DOCK3: variants seen among roughly 807,000 people sequenced by gnomAD.
DOCK3 encodes the protein dedicator of cytokinesis 3, also known as dedicator of cytokinesis protein 3.
In DOCK3, 60 loss-of-function variants were observed where a neutral mutation model predicts 265.6. That is an observed-to-expected ratio of 0.23 (90% CI 0.18 to 0.28). The LOEUF is 0.28. Among genes scored for constraint, DOCK3 ranks in the 10% least tolerant of loss-of-function variants. The pLI is 1.00. For missense variants in DOCK3, 1,981 were observed against 2,594.3 expected, an observed-to-expected ratio of 0.76 and a Z score of 5.14; for synonymous variants, 881 against 938.0, an observed-to-expected ratio of 0.94 and a Z score of 1.11.
intron 3 of DOCK3, among the ~76,000 whole-genome samples, chr3:50,847,778 G>A (rs2046154562): frequency 6.6e-6 from 1 of 151,258 alleles, no homozygotes; most frequent in South Asian, 2.1e-4. Flanking sequence ...CAATTACTCA[G>A]GAGGCTGAGG....
chr3:51,322,346 G>A (rs180811674), intron 32 of DOCK3, among the ~76,000 whole-genome samples: 3 of 152,176 alleles, frequency 2.0e-5, no homozygotes, highest in Admixed American at 1.3e-4. Context: ...GGGACTACAG[G>A]TGCCTGCCAC....
rs578106193 is a variant in DOCK3 at position 50,922,492 on chromosome 3, C to T, written c.219-11489C>T. ...GCCAGGAAAGGGAATTCCCCGACCCCTTGCGCTTCCCACGTGGGGCAATGC... is the reference window on the plus strand; with the variant it reads ...GCCAGGAAAGGGAATTCCCCGACCCTTTGCGCTTCCCACGTGGGGCAATGC... On this transcript the variant is annotated intron_variant, in intron 4 of 52. Transcript: ENST00000266037. Among the ~76,000 whole-genome samples, 12 of 152,354 alleles carry T rather than the reference C, an allele frequency of 7.9e-5. No individual in the cohort carries two copies. In the East Asian group the frequency reaches 2.3e-3, roughly 29 times the overall value.
chr3:51,016,626 TA>T (rs2079282223), intron 5 of DOCK3, among the ~76,000 whole-genome samples: 2 of 41,610 alleles, frequency 4.8e-5, no homozygotes, highest in Non-Finnish European at 8.0e-5. Context: ...TTTATATATA[TA>T]ATATATATGA....
chr3:50,936,284 A>G lies in DOCK3; in HGVS notation c.315+2207A>G, dbSNP rs569414613. Among the ~76,000 whole-genome samples, 15 of 151,994 alleles carry G rather than the reference A, an allele frequency of 9.9e-5. No homozygotes were observed. The East Asian group carries it at 2.9e-3, about 29-fold the overall frequency. ...AATGGAGAGAAAAATAGAAAAAATG[A>G]GCTCTGCTTCCAGAGACCTGTGGAA... On this transcript the variant is annotated intron_variant, in intron 5 of 52. Coordinates refer to ENST00000266037, the MANE Select transcript of DOCK3 (RefSeq NM_004947.5).
At chr3:51,156,806 A>G (rs948241198) in intron 10 of DOCK3, among the ~76,000 whole-genome samples, 4 of 152,192 alleles carry the variant, frequency 2.6e-5, no homozygotes, top group South Asian at 4.1e-4. Context: ...CTTGAATTCC[A>G]TAGGTACATT....
chr3:51,113,422 G>T (rs769329875), intron 9 of DOCK3, among the ~76,000 whole-genome samples: 11 of 152,058 alleles, frequency 7.2e-5, no homozygotes, highest in Non-Finnish European at 1.5e-4. Context: ...ACCTCTAGAA[G>T]ACCCCAGTAA....
chr3:51,262,397 A>G (rs1697152759), intron 23 of DOCK3, among the ~76,000 whole-genome samples: 1 of 152,234 alleles, frequency 6.6e-6, no homozygotes, highest in African/African-American at 2.4e-5. Flanking sequence ...ATCCACACAG[A>G]AACCCTATCC....
intron 13 of DOCK3, among the ~76,000 whole-genome samples, chr3:51,213,888 C>T (rs546567825): frequency 1.6e-4 from 25 of 152,286 alleles, no homozygotes; most frequent in African/African-American, 6.0e-4. Flanking sequence ...TCTCCCAGAC[C>T]TCAGTCTATG....
At chr3:50,932,952 C>T (rs565458741) in intron 4 of DOCK3, among the ~76,000 whole-genome samples, 12 of 152,302 alleles carry the variant, frequency 7.9e-5, no homozygotes, top group South Asian at 2.1e-4. Flanking sequence ...CACAGTTCCA[C>T]GTGGCTAGGG....
intron 21 of DOCK3, among the ~76,000 whole-genome samples, chr3:51,244,463 C>A (rs2078738969): frequency 6.6e-6 from 1 of 151,956 alleles, no homozygotes; most frequent in African/African-American, 2.4e-5. Context: ...ATGGAATTGT[C>A]TTAATTTCAT....
In DOCK3 at chr3:50,901,714, G is replaced by T. The variant is rs1482277400; in HGVS notation, c.218+11633G>T. The T allele has an allele frequency of 8.8e-6, 4 of 453,502 alleles. No individual in the cohort carries two copies. In the East Asian group the frequency reaches 2.8e-4, roughly 32 times the overall value. The allele number at this position is 453,502 out of a possible 1,614,324, so 28.1% of individuals were successfully genotyped here. Reference sequence around the variant, plus strand: ...GCACAGTCCCTCATGGCTACCCTTGGCTAGGGGAGGGAATTCCCTGACCCT... The same window carrying T: ...GCACAGTCCCTCATGGCTACCCTTGTCTAGGGGAGGGAATTCCCTGACCCT... On this transcript the variant is annotated intron_variant, in intron 4 of 52. Coordinates refer to ENST00000266037, the MANE Select transcript of DOCK3 (RefSeq NM_004947.5).
At chr3:50,819,582 C>G (rs1337411567) in intron 2 of DOCK3, among the ~76,000 whole-genome samples, 1 of 152,178 alleles carries the variant, frequency 6.6e-6, no homozygotes, top group East Asian at 1.9e-4. Context: ...AAAGCGACCT[C>G]TAGTTGTCCT....
chr3:51,027,242 T>C (rs1175216597), intron 5 of DOCK3, among the ~76,000 whole-genome samples: 1 of 152,164 alleles, frequency 6.6e-6, no homozygotes, highest in Non-Finnish European at 1.5e-5. Context: ...TTAGTTCCCA[T>C]GTATTTGTGT....
At position 51,246,752 on chromosome 3, in the gene DOCK3, A is replaced by C; in HGVS notation, c.2129A>C (p.Tyr710Ser). 1 of 1,613,586 alleles carries C rather than the reference A, an allele frequency of 6.2e-7. No homozygotes were observed. The highest frequency in any genetic ancestry group is 8.5e-7 in the Non-Finnish European group (1 of 1,179,730). The change falls in exon 22 of 53, where the codon TAT (tyrosine) becomes TCT (serine). Residue 710 changes from tyrosine (Y) to serine (S), a missense_variant. Around this residue, in one of 4 missense-constraint regions of DOCK3, gnomAD observed 1,357 missense variants for 1,866.8 expected, o/e 0.73. Transcript: ENST00000266037. Reference protein sequence around the residue: ...YKELIRCLKWYMDCSAELIRQ... With the variant: ...YKELIRCLKWSMDCSAELIRQ... ...GAGCTCATCCGCTGTTTGAAGTGGT[A>C]TATGGACTGCTCAGCAGAACTGATT...
chr3:50,833,850 A>G (rs888889415), intron 2 of DOCK3, among the ~76,000 whole-genome samples: 9 of 152,218 alleles, frequency 5.9e-5, no homozygotes, highest in Admixed American at 1.3e-4. Flanking sequence ...CCATAAATTA[A>G]GAATACTCAA....
At chr3:51,344,907 G>A (rs2085463198) in intron 38 of DOCK3, among the ~76,000 whole-genome samples, 1 of 152,206 alleles carries the variant, frequency 6.6e-6, no homozygotes, top group Admixed American at 6.5e-5. Context: ...GGAGAGGGGT[G>A]CCTTGGAGCA....
chr3:51,191,074 G>A (rs2087912566), intron 12 of DOCK3, among the ~76,000 whole-genome samples: 1 of 152,108 alleles, frequency 6.6e-6, no homozygotes, highest in Non-Finnish European at 1.5e-5. Flanking sequence ...TCCATTAGTA[G>A]CAGCTAGCTA....
At chr3:51,106,002 C>T (rs2083264844) in intron 9 of DOCK3, among the ~76,000 whole-genome samples, 1 of 152,206 alleles carries the variant, frequency 6.6e-6, no homozygotes, top group Non-Finnish European at 1.5e-5. Flanking sequence ...GGGAAAGCTG[C>T]TTAGAGAAGT....
intron 21 of DOCK3, among the ~76,000 whole-genome samples, chr3:51,240,634 T>C (rs2078570663): frequency 6.6e-6 from 1 of 152,244 alleles, no homozygotes; most frequent in Non-Finnish European, 1.5e-5. Flanking sequence ...GGTGCATATA[T>C]ACTTAAGAGA....
Sources: gnomAD v4.1 joint callset for allele counts (sites outside exome capture counted in the v4.1 genomes callset) on GRCh38, gnomAD v4.1.1 for gene constraint, gnomAD v4.1.1 regional missense constraint, MANE v1.5 for transcripts, NCBI Gene and HGNC (gene_info 2026-07-23, HGNC 2026-07-21) for gene names.